RIC1: variants seen among roughly 807,000 people sequenced by gnomAD.
RIC1 encodes RIC1 partner of RAB6A GEF complex.
In RIC1, 88 loss-of-function variants were observed where a neutral mutation model predicts 169.0. The ratio of observed to expected loss-of-function variants is 0.52; its 90% confidence interval spans 0.44 to 0.62. The LOEUF is 0.62. Ranked by LOEUF, RIC1 falls within the 20% of genes least tolerant of loss-of-function variation. RIC1 has a pLI of 0.00. For synonymous variants in RIC1, 790 were observed against 601.5 expected (o/e 1.31, Z -4.59); for missense variants, 1,877 against 1,725.5 (o/e 1.09, Z -1.56).
intron 3 of RIC1, among the ~76,000 whole-genome samples, chr9:5,693,222 C>A (rs933620467): frequency 1.3e-5 from 2 of 152,088 alleles, no homozygotes; most frequent in Non-Finnish European, 2.9e-5. Context: ...TATTGTCTCT[C>A]GTTTCTCTTC....
At chr9:5,694,633 A>G (rs963211595) in intron 3 of RIC1, among the ~76,000 whole-genome samples, 3 of 152,188 alleles carry the variant, frequency 2.0e-5, no homozygotes, top group African/African-American at 7.2e-5. Flanking sequence ...TAAGTTCTGG[A>G]TAGTGAAAAC....
At chr9:5,650,920 T>C (rs1263129854) in intron 1 of RIC1, among the ~76,000 whole-genome samples, 1 of 152,096 alleles carries the variant, frequency 6.6e-6, no homozygotes, top group Non-Finnish European at 1.5e-5. Context: ...GGAATGTTAG[T>C]AGGGCTTTAC....
At chr9:5,697,176 C>T (rs993084526) in intron 3 of RIC1, among the ~76,000 whole-genome samples, 4 of 152,358 alleles carry the variant, frequency 2.6e-5, no homozygotes, top group African/African-American at 7.2e-5. Flanking sequence ...ATCACTGGTG[C>T]TCTGCTTCAC....
chr9:5,632,240 G>C (rs1354026550), intron 1 of RIC1, among the ~76,000 whole-genome samples: 1 of 152,170 alleles, frequency 6.6e-6, no homozygotes, highest in East Asian at 1.9e-4. Flanking sequence ...CCTTGTGGAA[G>C]GGACAGTCGT....
At chr9:5,685,651 T>G (rs1821173724) in intron 2 of RIC1, among the ~76,000 whole-genome samples, 1 of 151,656 alleles carries the variant, frequency 6.6e-6, no homozygotes. Context: ...ATTTAAATGT[T>G]AGACCTAAAA....
chr9:5,759,942 C>T (rs1361027716), intron 17 of RIC1, among the ~76,000 whole-genome samples: 1 of 152,104 alleles, frequency 6.6e-6, no homozygotes, highest in Admixed American at 6.5e-5. Context: ...ATAGAGTAGG[C>T]AACCAGTGGC....
chr9:5,635,441 G>A (rs1817926665), intron 1 of RIC1, among the ~76,000 whole-genome samples: 1 of 152,140 alleles, frequency 6.6e-6, no homozygotes, highest in Non-Finnish European at 1.5e-5. Context: ...AGTCAGTGTT[G>A]CAAGATGTGT....
At chr9:5,642,869 G>A (rs1818319356) in intron 1 of RIC1, among the ~76,000 whole-genome samples, 1 of 152,114 alleles carries the variant, frequency 6.6e-6, no homozygotes, top group Non-Finnish European at 1.5e-5. Flanking sequence ...CTTTTGGCCT[G>A]TTCTCATACT....
At chr9:5,769,836 A>C (rs973243996) in intron 22 of RIC1, among the ~76,000 whole-genome samples, 1 of 152,196 alleles carries the variant, frequency 6.6e-6, no homozygotes, top group Non-Finnish European at 1.5e-5. Context: ...AGATCAACAT[A>C]ATAAAGTTTT....
At chr9:5,735,308 G>A (rs951342962) in intron 7 of RIC1, among the ~76,000 whole-genome samples, 3 of 152,160 alleles carry the variant, frequency 2.0e-5, no homozygotes, top group Non-Finnish European at 4.4e-5. Flanking sequence ...CCACACATCA[G>A]GCATGGAAAA....
intron 4 of RIC1, among the ~76,000 whole-genome samples, chr9:5,715,541 A>C (rs1397548144): frequency 1.3e-5 from 2 of 152,214 alleles, no homozygotes; most frequent in African/African-American, 2.4e-5. Context: ...TATAGATTTT[A>C]AATCGAGTGA....
At chr9:5,632,914 G>C (rs1349316041) in intron 1 of RIC1, among the ~76,000 whole-genome samples, 2 of 152,072 alleles carry the variant, frequency 1.3e-5, no homozygotes, top group African/African-American at 2.4e-5. Context: ...TCGTTTTTCA[G>C]GTCACCGACT....
At chr9:5,678,287 G>C (rs1216911305) in intron 2 of RIC1, among the ~76,000 whole-genome samples, 1 of 152,186 alleles carries the variant, frequency 6.6e-6, no homozygotes, top group African/African-American at 2.4e-5. Flanking sequence ...TTGCTATTGT[G>C]AATAGTGCCG....
At chr9:5,730,950 T>C (rs531470183) in intron 6 of RIC1, among the ~76,000 whole-genome samples, 1 of 152,298 alleles carries the variant, frequency 6.6e-6, no homozygotes, top group African/African-American at 2.4e-5. Flanking sequence ...TGCTGGTCTT[T>C]GAGCATGCCA....
chr9:5,720,803 C>A, intron 6 of RIC1, 53 bp downstream of exon 6: 1 of 1,392,734 alleles, frequency 7.2e-7, no homozygotes, highest in Non-Finnish European at 9.7e-7. Context: ...TTATTTTATT[C>A]TTTGTTATCA....
chr9:5,762,109 T>C (rs1479911550), intron 17 of RIC1, among the ~76,000 whole-genome samples: 1 of 152,218 alleles, frequency 6.6e-6, no homozygotes, highest in Non-Finnish European at 1.5e-5. Flanking sequence ...GTTCTCACTT[T>C]CCCAATAGTT....
chr9:5,716,522 A>G (rs755388091), intron 4 of RIC1, among the ~76,000 whole-genome samples: 69 of 152,214 alleles, frequency 4.5e-4, no homozygotes, highest in Admixed American at 9.8e-4. Flanking sequence ...CTGAGGCACA[A>G]TAATTGCTTG....
At chr9:5,633,598 T>A (rs995983940) in intron 1 of RIC1, among the ~76,000 whole-genome samples, 2 of 152,154 alleles carry the variant, frequency 1.3e-5, no homozygotes, top group African/African-American at 4.8e-5. Context: ...GAGGTATAAT[T>A]GACAAATAAA....
intron 10 of RIC1, among the ~76,000 whole-genome samples, chr9:5,744,906 G>A (rs1022533950): frequency 4.6e-5 from 7 of 152,006 alleles, no homozygotes; most frequent in African/African-American, 1.2e-4. Context: ...GAGGCTTGTC[G>A]CTTCTCTTCT....
Sources: allele counts gnomAD v4.1 joint callset (sites outside exome capture counted in the v4.1 genomes callset), GRCh38; gene constraint gnomAD v4.1.1; transcripts MANE v1.5; gene names NCBI Gene and HGNC (gene_info 2026-07-23, HGNC 2026-07-21).